GRID1: variants seen among roughly 807,000 people sequenced by gnomAD.
GRID1 encodes the protein glutamate receptor ionotropic, delta-1.
In GRID1, 28 loss-of-function variants were observed where a neutral mutation model predicts 98.0. That is an observed-to-expected ratio of 0.29 (90% confidence interval 0.21 to 0.39). GRID1 has a LOEUF of 0.39. Ranked by LOEUF, GRID1 falls within the 10% of genes least tolerant of loss-of-function variation. The pLI, the probability that GRID1 is intolerant of heterozygous loss-of-function variation, is 1.00. For synonymous variants in GRID1, 553 were observed against 538.5 expected, an observed-to-expected ratio of 1.03 and a Z score of -0.37; for missense variants, 1,111 against 1,340.5, an observed-to-expected ratio of 0.83 and a Z score of 2.67.
intron 2 of GRID1, among the ~76,000 whole-genome samples, chr10:86,218,954 G>A (rs1368729405): frequency 2.6e-5 from 4 of 152,174 alleles, no homozygotes; most frequent in African/African-American, 9.7e-5. Flanking sequence ...GCCTGGCCCT[G>A]GTCCACCCAC....
chr10:85,841,174 A>G (rs373317807), intron 8 of GRID1, among the ~76,000 whole-genome samples: 1 of 152,152 alleles, frequency 6.6e-6, no homozygotes, highest in African/African-American at 2.4e-5. Context: ...GAAAACCCAC[A>G]AATAAGTCCA....
At chr10:86,226,171 C>A (rs1040618814) in intron 2 of GRID1, among the ~76,000 whole-genome samples, 1 of 151,974 alleles carries the variant, frequency 6.6e-6, no homozygotes, top group Admixed American at 6.6e-5. Context: ...AGGGGACCTG[C>A]CTGTTTCCCG....
intron 8 of GRID1, among the ~76,000 whole-genome samples, chr10:85,771,754 T>C (rs1455774640): frequency 6.6e-6 from 1 of 152,210 alleles, no homozygotes; most frequent in East Asian, 1.9e-4. Flanking sequence ...AAGGGATCAA[T>C]TCAACAAGAA....
At chr10:85,879,793 G>C (rs1158287966) in intron 5 of GRID1, among the ~76,000 whole-genome samples, 1 of 152,106 alleles carries the variant, frequency 6.6e-6, no homozygotes, top group East Asian at 1.9e-4. Flanking sequence ...GAAGGAAATA[G>C]AGACACAAAA....
intron 5 of GRID1, among the ~76,000 whole-genome samples, chr10:85,912,377 A>C (rs1433026939): frequency 6.6e-6 from 1 of 152,242 alleles, no homozygotes; most frequent in Non-Finnish European, 1.5e-5. Context: ...CACACTCACA[A>C]AGCTTCCTCT....
chr10:85,851,447 C>T (rs1330744948), intron 8 of GRID1, among the ~76,000 whole-genome samples: 1 of 152,152 alleles, frequency 6.6e-6, no homozygotes, highest in Non-Finnish European at 1.5e-5. Context: ...AGTATTTGTC[C>T]AGCACCCTGC....
At chr10:86,177,099 A>G (rs1845586029) in intron 3 of GRID1, among the ~76,000 whole-genome samples, 1 of 151,650 alleles carries the variant, frequency 6.6e-6, no homozygotes, top group African/African-American at 2.4e-5. Context: ...GCAAACCCCA[A>G]CAGCACCCAG....
chr10:86,291,710 G>A (rs1902676), intron 2 of GRID1, among the ~76,000 whole-genome samples: 111,347 of 152,138 alleles, frequency 0.73, 43,929 homozygotes, highest in Non-Finnish European at 0.87. Flanking sequence ...CCCACCAAAC[G>A]GAGAGCTCCG....
chr10:86,217,532 C>T (rs565990179), intron 2 of GRID1, among the ~76,000 whole-genome samples: 6 of 152,116 alleles, frequency 3.9e-5, no homozygotes, highest in South Asian at 2.1e-4. Flanking sequence ...TCAGTCTGGG[C>T]GGGCAGAGGT....
intron 2 of GRID1, among the ~76,000 whole-genome samples, chr10:86,352,051 C>A (rs889444532): frequency 6.6e-6 from 1 of 152,188 alleles, no homozygotes; most frequent in Non-Finnish European, 1.5e-5. Context: ...GCCTGTAATC[C>A]CAGCACTTTA....
At chr10:85,880,371 C>T (rs1840988201) in intron 5 of GRID1, among the ~76,000 whole-genome samples, 1 of 152,156 alleles carries the variant, frequency 6.6e-6, no homozygotes, top group Admixed American at 6.5e-5. Context: ...CAAAAATCCT[C>T]AATAAAATAC....
chr10:86,316,973 TGGTGGGGGTGTTGGGACAG>T (rs1847908289), intron 2 of GRID1, among the ~76,000 whole-genome samples: 1 of 152,128 alleles, frequency 6.6e-6, no homozygotes, highest in South Asian at 2.1e-4. Context: ...TCAGTCCAGC[TGGTGGGGGTGTTGGGACAG>T]GAATCTGTAT....
chr10:85,773,681 C>G (rs576025332), intron 8 of GRID1, among the ~76,000 whole-genome samples: 47 of 152,254 alleles, frequency 3.1e-4, no homozygotes, highest in African/African-American at 1.1e-3. Flanking sequence ...ATACCAATAA[C>G]AGGCAAACAG....
At chr10:85,602,752 G>C in intron 15 of GRID1, 51 bp from the exon 16 acceptor site, 2 of 1,393,236 alleles carry the variant, frequency 1.4e-6, no homozygotes, top group Non-Finnish European at 2.0e-6. Context: ...GTGAGTCAAG[G>C]CTGGCTTGCT....
At chr10:86,256,916 C>T (rs747610324) in intron 2 of GRID1, among the ~76,000 whole-genome samples, 1 of 152,210 alleles carries the variant, frequency 6.6e-6, no homozygotes, top group Non-Finnish European at 1.5e-5. Context: ...GTGAAGGACA[C>T]AGTTCCCACT....
intron 4 of GRID1, among the ~76,000 whole-genome samples, chr10:86,029,741 G>A (rs763709232): frequency 6.6e-6 from 1 of 151,930 alleles, no homozygotes; most frequent in East Asian, 1.9e-4. Context: ...AAAGGGATGG[G>A]TAACATAGAA....
In GRID1 at chr10:86,051,185, CAG is replaced by C. The variant is rs557389193; in HGVS notation, c.726+87632_726+87633del. 3.3e-5 allele frequency among the ~76,000 whole-genome samples: 5 copies of C among 150,914 alleles called. No individual in the cohort carries two copies. The East Asian group carries it at 9.7e-4, about 29-fold the overall frequency. On this transcript the variant is annotated intron_variant, in intron 4 of 15. Transcript: ENST00000327946. ...AAAGACCTCAGAAAGATCAATGAAA[CAG>C]AATACCATTTCTAGAAACAGACTCA...
At chr10:85,882,306 A>C (rs1168528010) in intron 5 of GRID1, among the ~76,000 whole-genome samples, 1 of 152,204 alleles carries the variant, frequency 6.6e-6, no homozygotes, top group African/African-American at 2.4e-5. Context: ...TCATGCTGCT[A>C]TAAAGACACA....
chr10:85,617,625 A>T (rs1357261568), intron 14 of GRID1, among the ~76,000 whole-genome samples: 2 of 152,194 alleles, frequency 1.3e-5, no homozygotes, highest in East Asian at 3.8e-4. Flanking sequence ...ACTGTACCCT[A>T]CAGGAAGATG....
Sources: allele counts gnomAD v4.1 joint callset (sites outside exome capture counted in the v4.1 genomes callset), GRCh38; gene constraint gnomAD v4.1.1; transcripts MANE v1.5; gene names NCBI Gene and HGNC (gene_info 2026-07-23, HGNC 2026-07-21).